Variants in POU6F2 observed in about 807,000 individuals in gnomAD.
The protein encoded by POU6F2 is POU class 6 homeobox 2, also known as POU domain, class 6, transcription factor 2.
A neutral mutation model predicts 71.3 loss-of-function variants in POU6F2; 31 were observed. The observed-to-expected ratio is 0.43, with a 90% CI of 0.33 to 0.59. The LOEUF is 0.59. Ranked by LOEUF, POU6F2 falls within the 20% of genes least tolerant of loss-of-function variation. POU6F2 has a pLI of 0.04. For missense variants in POU6F2, 783 were observed against 856.8 expected, an observed-to-expected ratio of 0.91 and a Z score of 1.07; for synonymous variants, 347 against 355.7, an observed-to-expected ratio of 0.98 and a Z score of 0.27.
intron 2 of POU6F2, among the ~76,000 whole-genome samples, chr7:39,182,728 G>A (rs141276112): frequency 7.2e-5 from 11 of 152,106 alleles, no homozygotes; most frequent in East Asian, 3.9e-4. Flanking sequence ...GCATCCTTAA[G>A]TCATTGTTTT....
intron 2 of POU6F2, among the ~76,000 whole-genome samples, chr7:39,102,669 C>T (rs1289186724): frequency 6.6e-6 from 1 of 151,766 alleles, no homozygotes; most frequent in Non-Finnish European, 1.5e-5. Context: ...CATATATATA[C>T]ACACACACAT....
intron 4 of POU6F2, among the ~76,000 whole-genome samples, chr7:39,227,264 T>C (rs1255449590): frequency 6.7e-6 from 1 of 150,230 alleles, no homozygotes; most frequent in Non-Finnish European, 1.5e-5. Context: ...AACGTCCTCT[T>C]TTATTTTCCT....
intron 4 of POU6F2, among the ~76,000 whole-genome samples, chr7:39,226,298 G>A (rs1011498206): frequency 2.6e-5 from 4 of 152,198 alleles, no homozygotes; most frequent in African/African-American, 9.6e-5. Flanking sequence ...AATGAAAAGG[G>A]TGTTATCACA....
intron 5 of POU6F2, among the ~76,000 whole-genome samples, chr7:39,388,728 A>G (rs1786999854): frequency 6.6e-6 from 1 of 152,150 alleles, no homozygotes; most frequent in South Asian, 2.1e-4. Flanking sequence ...AGAGAGAGAA[A>G]AGTCTTTATT....
intron 1 of POU6F2, among the ~76,000 whole-genome samples, chr7:39,008,640 G>GT (rs1287128154): frequency 2.0e-5 from 3 of 150,762 alleles, no homozygotes; most frequent in African/African-American, 7.3e-5. Flanking sequence ...TTCTTCTAGG[G>GT]TTTTTATGGT....
chr7:39,301,895 G>A (rs1004168474), intron 4 of POU6F2, among the ~76,000 whole-genome samples: 3 of 152,020 alleles, frequency 2.0e-5, no homozygotes, highest in African/African-American at 7.3e-5. Context: ...CCACATAATG[G>A]TAGTAATTTG....
At chr7:39,353,632 T>C (rs1328930462) in intron 5 of POU6F2, among the ~76,000 whole-genome samples, 3 of 152,206 alleles carry the variant, frequency 2.0e-5, no homozygotes, top group African/African-American at 7.2e-5. Flanking sequence ...TTTTCTTCCT[T>C]TCTTTTCCTG....
chr7:39,322,849 A>G (rs957627840), intron 4 of POU6F2, among the ~76,000 whole-genome samples: 1 of 152,220 alleles, frequency 6.6e-6, no homozygotes, highest in African/African-American at 2.4e-5. Context: ...CTGCAGCTCC[A>G]TTGCAGGCTC....
intron 1 of POU6F2, among the ~76,000 whole-genome samples, chr7:39,069,773 A>G (rs1790837283): frequency 1.3e-5 from 2 of 152,222 alleles, no homozygotes; most frequent in African/African-American, 4.8e-5. Flanking sequence ...TATTAAGTAC[A>G]GGTGGATTAT....
intron 2 of POU6F2, among the ~76,000 whole-genome samples, chr7:39,114,092 T>A (rs1006764280): frequency 1.2e-4 from 19 of 152,210 alleles, no homozygotes; most frequent in African/African-American, 3.6e-4. Context: ...TCCATGCATG[T>A]ACCTATAGGT....
intron 2 of POU6F2, among the ~76,000 whole-genome samples, chr7:39,124,171 C>G (rs999262295): frequency 6.6e-6 from 1 of 151,992 alleles, no homozygotes; most frequent in African/African-American, 2.4e-5. Flanking sequence ...CTCAACCTCC[C>G]GAGTAGCTGG....
intron 1 of POU6F2, among the ~76,000 whole-genome samples, chr7:38,995,946 T>A (rs529368699): frequency 6.6e-6 from 1 of 151,980 alleles, no homozygotes; most frequent in Non-Finnish European, 1.5e-5. Flanking sequence ...ACTTTCCTTG[T>A]GGAAGAAATG....
At chr7:39,359,238 A>AT (rs1028845197) in intron 5 of POU6F2, among the ~76,000 whole-genome samples, 15 of 151,538 alleles carry the variant, frequency 9.9e-5, no homozygotes, top group Admixed American at 2.6e-4. Context: ...TATGTAAAGG[A>AT]TTTGCTCATC....
chr7:39,313,451 G>A (rs1382966724), intron 4 of POU6F2, among the ~76,000 whole-genome samples: 8 of 151,848 alleles, frequency 5.3e-5, no homozygotes, highest in Non-Finnish European at 8.8e-5. Context: ...TTTCTTATCT[G>A]TCTCCCCCAG....
intron 5 of POU6F2, chr7:39,404,474 A>G (rs1334758946): frequency 6.6e-6 from 1 of 152,230 alleles, no homozygotes; most frequent in Non-Finnish European, 1.5e-5. Context: ...CTTTTCATTA[A>G]ATATAAATAA....
At chr7:39,422,974 A>G (rs1307474652) in intron 6 of POU6F2, among the ~76,000 whole-genome samples, 1 of 152,202 alleles carries the variant, frequency 6.6e-6, no homozygotes, top group Non-Finnish European at 1.5e-5. Context: ...AAAAGTTCCC[A>G]TCTATGGATA....
chr7:39,079,653 C>G (rs111737785), intron 1 of POU6F2, among the ~76,000 whole-genome samples: 11 of 152,168 alleles, frequency 7.2e-5, no homozygotes, highest in Admixed American at 5.9e-4. Context: ...TTTTGAATGT[C>G]CTGCTTGATT....
rs1296178284 is a variant in POU6F2 at position 39,406,644 on chromosome 7, A to G, written c.1017A>G (p.Ala339=). The G allele has an allele frequency of 3.1e-6, 5 of 1,613,600 alleles. No individual in the cohort carries two copies. The highest frequency in any genetic ancestry group is 4.2e-6 in the Non-Finnish European group (5 of 1,179,834). Residue 339 remains alanine (A), a synonymous_variant, in exon 6 of 10, where the codon GCA becomes GCG. Coordinates refer to ENST00000518318, the MANE Select transcript of POU6F2 (RefSeq NM_001370959.1). ...PLASQAAAAA[A]AMSSIASSQA... ...CAAGTCAGGCTGCAGCGGCTGCAGC[A>G]GCCATGAGCTCCATAGCAAGCTCAC...
Position 39,030,565 on chromosome 7 carries a change from A to C in POU6F2, c.105+52507A>C, listed in dbSNP as rs879186938. On this transcript the variant is annotated intron_variant, in intron 1 of 9. Coordinates refer to ENST00000518318, the MANE Select transcript of POU6F2 (RefSeq NM_001370959.1). ...ATATACACACACATACATATATTCC[A>C]TTGCCCGGATGTGTAACAGTTTAGC... Among the ~76,000 whole-genome samples, 17 of 108,838 alleles carry C rather than the reference A, an allele frequency of 1.6e-4. No individual in the cohort carries two copies. In the Admixed American group the frequency reaches 1.7e-3, roughly 11 times the overall value. 71.4% of individuals were successfully genotyped at this position (108,838 alleles called of 152,430 possible).
Sources: gnomAD v4.1 joint callset for allele counts (sites outside exome capture counted in the v4.1 genomes callset) on GRCh38, gnomAD v4.1.1 for gene constraint, MANE v1.5 for transcripts, NCBI Gene and HGNC (gene_info 2026-07-23, HGNC 2026-07-21) for gene names.